Variants in ALKAL1 observed in about 807,000 individuals in gnomAD.
ALKAL1 encodes AUG-beta.
In ALKAL1, 23 loss-of-function variants were observed where a neutral mutation model predicts 13.5. The observed-to-expected ratio is 1.70, with a 90% confidence interval of 1.23 to 2.41. ALKAL1 has a LOEUF of 2.41. Ranked by LOEUF, ALKAL1 falls within the 30% of genes most tolerant of loss-of-function variation. ALKAL1 has a pLI of 0.00. For synonymous variants in ALKAL1, 85 were observed against 77.7 expected (o/e 1.09, Z -0.49); for missense variants, 181 against 178.4 (o/e 1.01, Z -0.08).
intron 1 of ALKAL1, among the ~76,000 whole-genome samples, chr8:52,561,189 G>A (rs1354929938): frequency 1.3e-5 from 2 of 152,140 alleles, no homozygotes; most frequent in African/African-American, 2.4e-5. Context: ...GTCTAAGTGG[G>A]CAGATATAAT....
chr8:52,543,809 ACAG>A lies in ALKAL1; in HGVS notation c.191-1367_191-1365del, dbSNP rs138233449. 5.9e-3 allele frequency among the ~76,000 whole-genome samples: 893 copies of A among 152,326 alleles called. 9 individuals carry two copies. The highest frequency in any genetic ancestry group is 0.021 in the African/African-American group (854 of 41,564). Reference sequence around the variant, plus strand: ...TTTCTGAAAAATGAATGAGCTGAGTACAGCAGAAGCACCTACTGTGGTTAAGGC... The same window carrying A: ...TTTCTGAAAAATGAATGAGCTGAGTACAGAAGCACCTACTGTGGTTAAGGC... On this transcript the variant is annotated intron_variant, in intron 1 of 4. Transcript: ENST00000358543.
chr8:52,534,822 T>C (rs1271293544), intron 4 of ALKAL1, among the ~76,000 whole-genome samples: 1 of 152,180 alleles, frequency 6.6e-6, no homozygotes, highest in Non-Finnish European at 1.5e-5. Context: ...AGATTTATGA[T>C]ATCTAGACAT....
At chr8:52,563,216 G>C (rs1027276511) in intron 1 of ALKAL1, among the ~76,000 whole-genome samples, 1 of 152,086 alleles carries the variant, frequency 6.6e-6, no homozygotes, top group Non-Finnish European at 1.5e-5. Context: ...TCAGGAGTTC[G>C]AGACCAGCCT....
intron 1 of ALKAL1, among the ~76,000 whole-genome samples, chr8:52,563,896 G>A (rs1397780287): frequency 6.6e-6 from 1 of 152,248 alleles, no homozygotes; most frequent in Non-Finnish European, 1.5e-5. Flanking sequence ...ACCCAGGTGT[G>A]TGGGAGAGTG....
In ALKAL1 at chr8:52,565,383, C is replaced by G. The variant is rs562193893; in HGVS notation, c.-127G>C. 4.4e-6 allele frequency: 3 copies of G among 681,876 alleles called. No individual in the cohort carries two copies. Among genetic ancestry groups the G allele is most frequent in the African/African-American group, 3.7e-5 (2 of 53,474 alleles). The allele number at this position is 681,876 out of a possible 1,614,324, so 42.2% of individuals were successfully genotyped here. ...CTACGCGGCCGGCCGCAGTCTTCACCGCGCGCCTGCCCTTGTCTACGTCCC... is the reference window on the plus strand; with the variant it reads ...CTACGCGGCCGGCCGCAGTCTTCACGGCGCGCCTGCCCTTGTCTACGTCCC... On this transcript the variant is annotated 5_prime_UTR_variant, in exon 1 of 5. Transcript: ENST00000358543.
At chr8:52,541,705 G>A (rs533701865) in intron 2 of ALKAL1, among the ~76,000 whole-genome samples, 3 of 152,176 alleles carry the variant, frequency 2.0e-5, no homozygotes, top group African/African-American at 4.8e-5. Context: ...GCAGTGAGCC[G>A]AGATCGTGCC....
At chr8:52,554,268 G>T (rs1847459723) in intron 1 of ALKAL1, among the ~76,000 whole-genome samples, 1 of 152,154 alleles carries the variant, frequency 6.6e-6, no homozygotes, top group East Asian at 1.9e-4. Context: ...AAATAGATGT[G>T]CCACATTTCA....
chr8:52,542,527 A>G (rs1027393461), intron 1 of ALKAL1, 82 bp from the exon 2 acceptor site: 1 of 834,526 alleles, frequency 1.2e-6, no homozygotes, highest in African/African-American at 1.7e-5. Flanking sequence ...TAATTACTTA[A>G]TAAGGCACTA....
rs559731908 is a variant in ALKAL1 at position 52,536,282 on chromosome 8, C to T, written c.*13-1682G>A. On this transcript the variant is annotated intron_variant, in intron 4 of 4. Coordinates refer to ENST00000358543, the MANE Select transcript of ALKAL1 (RefSeq NM_207413.4). ...TCCCACCTTCACAACCTGAGGAACC[C>T]GTTTCCTTAAAAGGACTTGTCCATG... Among the ~76,000 whole-genome samples, 14 of 152,210 alleles carry T rather than the reference C, an allele frequency of 9.2e-5. No homozygotes were observed. In the South Asian group the frequency reaches 1.9e-3, roughly 20 times the overall value.
Position 52,565,375 on chromosome 8 carries a change from G to T in ALKAL1, c.-119C>A. ...CAGCGCGGCTACGCGGCCGGCCGCA[G>T]TCTTCACCGCGCGCCTGCCCTTGTC... On this transcript the variant is annotated 5_prime_UTR_variant, in exon 1 of 5. The change creates a new upstream start codon in the 5' untranslated region. Coordinates refer to ENST00000358543, the MANE Select transcript of ALKAL1 (RefSeq NM_207413.4). The T allele has an allele frequency of 1.3e-6, 1 of 771,710 alleles. No individual in the cohort carries two copies. Among genetic ancestry groups the T allele is most frequent in the Non-Finnish European group, 1.8e-6 (1 of 556,394 alleles). The allele number at this position is 771,710 out of a possible 1,614,324, so 47.8% of individuals were successfully genotyped here. A position where few individuals can be genotyped will look rare whatever the true frequency, so the allele number is the denominator to read the frequency against.
intron 4 of ALKAL1, among the ~76,000 whole-genome samples, chr8:52,538,097 A>G (rs1312095584): frequency 6.6e-6 from 1 of 151,912 alleles, no homozygotes; most frequent in Non-Finnish European, 1.5e-5. Context: ...CCGAAAAAAA[A>G]AAAAAAGGCT....
At position 52,538,367 on chromosome 8, in the gene ALKAL1, GA is replaced by G. The variant is rs1590864551; in HGVS notation, c.*12+63del. On this transcript the variant is annotated intron_variant, in intron 4 of 4. Coordinates refer to ENST00000358543, the MANE Select transcript of ALKAL1 (RefSeq NM_207413.4). The stretch of plus-strand genomic sequence containing the variant: ...ATTATGTGTCAACTAAAAAGAAAAG[GA>G]AAAAATGTTTAAAAATAAAGTTAGA... 8 of 978,976 alleles carry G rather than the reference GA, an allele frequency of 8.2e-6. No individual in the cohort carries two copies. The East Asian group carries it at 1.6e-4, about 19-fold the overall frequency. 60.6% of individuals were successfully genotyped at this position (978,976 alleles called of 1,614,324 possible).
At chr8:52,544,444 A>G (rs1006322842) in intron 1 of ALKAL1, among the ~76,000 whole-genome samples, 1 of 152,172 alleles carries the variant, frequency 6.6e-6, no homozygotes, top group African/African-American at 2.4e-5. Flanking sequence ...AGAGCTGCTG[A>G]AGAAGAGGTG....
intron 1 of ALKAL1, among the ~76,000 whole-genome samples, chr8:52,546,749 C>T (rs996798574): frequency 1.3e-5 from 2 of 152,216 alleles, no homozygotes; most frequent in East Asian, 1.9e-4. Flanking sequence ...AAACCAAATG[C>T]GTAAGGGATA....
rs34967758 is a variant in ALKAL1 at position 52,546,823 on chromosome 8, C to T, written c.191-4378G>A. Among the ~76,000 whole-genome samples the T allele has an allele frequency of 0.019, 2,840 of 152,290 alleles. 235 individuals carry two copies. The East Asian group carries it at 0.29, about 16-fold the overall frequency. On this transcript the variant is annotated intron_variant, in intron 1 of 4. Coordinates refer to ENST00000358543, the MANE Select transcript of ALKAL1 (RefSeq NM_207413.4). Reference sequence around the variant, plus strand: ...CATTGTTCCATCTGTGAGGGGCACCCTTTCTGCAGAAAGTAAAGATTGCCT... The same window carrying T: ...CATTGTTCCATCTGTGAGGGGCACCTTTTCTGCAGAAAGTAAAGATTGCCT...
At chr8:52,545,697 A>G (rs1286587249) in intron 1 of ALKAL1, among the ~76,000 whole-genome samples, 1 of 152,216 alleles carries the variant, frequency 6.6e-6, no homozygotes. Flanking sequence ...GGACCACCTG[A>G]GGCTGTGTCA....
intron 1 of ALKAL1, among the ~76,000 whole-genome samples, chr8:52,561,295 T>G (rs1847548490): frequency 6.6e-6 from 1 of 152,226 alleles, no homozygotes; most frequent in Non-Finnish European, 1.5e-5. Flanking sequence ...TAGTTTTTTT[T>G]AACTTTCATC....
chr8:52,534,620 G>A lies in ALKAL1; in HGVS notation c.*13-20C>T, dbSNP rs1847249822. On this transcript the variant is annotated intron_variant, in intron 4 of 4. Transcript: ENST00000358543. Reference sequence around the variant, plus strand: ...AAATGTCTGTGGGGGTAAAAGAAGAGCCATATCATTTATGACCTGGTTTTT... The same window carrying A: ...AAATGTCTGTGGGGGTAAAAGAAGAACCATATCATTTATGACCTGGTTTTT... The A allele has an allele frequency of 1.7e-6, 1 of 590,160 alleles. No individual in the cohort carries two copies. Among genetic ancestry groups the A allele is most frequent in the South Asian group, 2.2e-5 (1 of 45,888 alleles). The allele number at this position is 590,160 out of a possible 1,614,324, so 36.6% of individuals were successfully genotyped here.
At chr8:52,561,020 CA>C (rs1189586796) in intron 1 of ALKAL1, among the ~76,000 whole-genome samples, 2 of 152,110 alleles carry the variant, frequency 1.3e-5, no homozygotes, top group Non-Finnish European at 2.9e-5. Flanking sequence ...CTTGTGCCTA[CA>C]TATAACAAAA....
Sources: gnomAD v4.1 joint callset for allele counts (sites outside exome capture counted in the v4.1 genomes callset) on GRCh38, gnomAD v4.1.1 for gene constraint, MANE v1.5 for transcripts, NCBI Gene and HGNC (gene_info 2026-07-23, HGNC 2026-07-21) for gene names.